Variants in PCDH7 observed in about 807,000 individuals in gnomAD.
PCDH7 encodes protocadherin 7.
In PCDH7, 17 loss-of-function variants were observed where a neutral mutation model predicts 58.9. The observed-to-expected ratio is 0.29, with a 90% CI of 0.20 to 0.43. PCDH7 has a LOEUF of 0.43. PCDH7 is among the 20% of genes least tolerant of loss of function. PCDH7 has a pLI of 1.00. For missense variants in PCDH7, 1,274 were observed against 1,441.0 expected (o/e 0.88, Z 1.88); for synonymous variants, 664 against 616.4 (o/e 1.08, Z -1.14).
chr4:30,974,024 T>G lies in PCDH7; in HGVS notation c.*7+23809T>G, dbSNP rs1373638352. Among the ~76,000 whole-genome samples the G allele has an allele frequency of 9.9e-5, 15 of 152,120 alleles. No homozygotes were observed. The East Asian group carries it at 2.7e-3, about 27-fold the overall frequency. On this transcript the variant is annotated intron_variant, in intron 3 of 3. Coordinates refer to the PCDH7 transcript ENST00000509759. ...AGTGTAAATTCATGACAGATACCCTTGTCTTCTAGCTCAAATCTTCTCTAG... is the reference window on the plus strand; with the variant it reads ...AGTGTAAATTCATGACAGATACCCTGGTCTTCTAGCTCAAATCTTCTCTAG...
At chr4:30,824,099 C>CTTTCTTTCTTTCTTTT (rs1728745500) in intron 1 of PCDH7, among the ~76,000 whole-genome samples, 1 of 111,308 alleles carries the variant, frequency 9.0e-6, no homozygotes, top group African/African-American at 3.4e-5. Context: ...TTCTTTCTTT[C>CTTTCTTTCTTTCTTTT]TTTCTTTCTT....
chr4:30,762,029 C>G (rs529203331), intron 1 of PCDH7, among the ~76,000 whole-genome samples: 2 of 152,216 alleles, frequency 1.3e-5, no homozygotes, highest in Admixed American at 1.3e-4. Flanking sequence ...AAGTCTTATA[C>G]ATGATCAAGG....
At chr4:30,896,891 T>TTTTTTTTTC in intron 1 of PCDH7, among the ~76,000 whole-genome samples, 1 of 70,812 alleles carries the variant, frequency 1.4e-5, no homozygotes, top group African/African-American at 5.8e-5. Context: ...GTTCTTTGCT[T>TTTTTTTTTC]TTTTTTTTTT....
intron 1 of PCDH7, among the ~76,000 whole-genome samples, chr4:30,899,549 T>C (rs1358619534): frequency 1.3e-5 from 2 of 152,188 alleles, no homozygotes; most frequent in Non-Finnish European, 2.9e-5. Flanking sequence ...TTTAAGCCTG[T>C]CAGCCAATAG....
At chr4:30,989,397 T>C (rs1751267351) in intron 3 of PCDH7, among the ~76,000 whole-genome samples, 2 of 152,184 alleles carry the variant, frequency 1.3e-5, no homozygotes, top group African/African-American at 4.8e-5. Flanking sequence ...GATATCCCAG[T>C]GATGGAGCTG....
chr4:30,986,182 T>C (rs886162990), intron 3 of PCDH7, among the ~76,000 whole-genome samples: 4 of 152,186 alleles, frequency 2.6e-5, no homozygotes, highest in Non-Finnish European at 5.9e-5. Context: ...ATTTTCCTTC[T>C]AGTATGGAGT....
At chr4:31,029,838 T>C (rs1037895803) in intron 3 of PCDH7, among the ~76,000 whole-genome samples, 12 of 152,148 alleles carry the variant, frequency 7.9e-5, no homozygotes, top group African/African-American at 2.9e-4. Context: ...CTAAGGATCA[T>C]ACACTAGTCT....
At chr4:31,019,946 A>G (rs1046642861) in intron 3 of PCDH7, among the ~76,000 whole-genome samples, 1 of 152,010 alleles carries the variant, frequency 6.6e-6, no homozygotes, top group Non-Finnish European at 1.5e-5. Flanking sequence ...TACAAGCAGA[A>G]GTAAAATGTT....
chr4:31,089,040 C>A (rs978309337), intron 3 of PCDH7, among the ~76,000 whole-genome samples: 12 of 151,894 alleles, frequency 7.9e-5, no homozygotes, highest in African/African-American at 2.7e-4. Flanking sequence ...TTCAGGCATG[C>A]TATCTTCTAA....
intron 1 of PCDH7, among the ~76,000 whole-genome samples, chr4:30,909,372 A>T (rs939014831): frequency 6.6e-5 from 10 of 152,114 alleles, no homozygotes; most frequent in African/African-American, 2.4e-4. Context: ...ATTCAAATAG[A>T]AAGAGAGGAA....
chr4:30,868,638 G>C (rs1336491100), intron 1 of PCDH7, among the ~76,000 whole-genome samples: 1 of 151,916 alleles, frequency 6.6e-6, no homozygotes, highest in Non-Finnish European at 1.5e-5. Flanking sequence ...AAAAATCTAT[G>C]TTTATGTAAG....
chr4:30,851,893 A>C (rs1317967498), intron 1 of PCDH7, among the ~76,000 whole-genome samples: 2 of 152,096 alleles, frequency 1.3e-5, no homozygotes, highest in African/African-American at 4.8e-5. Flanking sequence ...CTAAAACCTA[A>C]TGCACATATA....
chr4:31,142,832 A>G (rs1220205296), exon 4 of PCDH7: 1 of 1,364,930 alleles, frequency 7.3e-7, no homozygotes, highest in South Asian at 1.1e-5. Context: ...TCTCACTAGA[A>G]GAGAAGTTTA....
intron 2 of PCDH7, among the ~76,000 whole-genome samples, chr4:30,929,166 A>G (rs751159675): frequency 2.0e-5 from 3 of 152,186 alleles, no homozygotes; most frequent in Non-Finnish European, 4.4e-5. Flanking sequence ...GTATTACTCA[A>G]ATTAAATAGA....
Position 30,900,950 on chromosome 4 carries a change from G to A in PCDH7, c.71-19203G>A, listed in dbSNP as rs373649818. On this transcript the variant is annotated intron_variant, in intron 1 of 3. Transcript: ENST00000509759. ...CTTTCATGTCTTATGACAAGTGTTA[G>A]ATAACTCTATGAAGATGAATTTTCT... 2.1e-4 allele frequency among the ~76,000 whole-genome samples: 32 copies of A among 152,278 alleles called. No individual in the cohort carries two copies. The South Asian group carries it at 4.1e-3, about 20-fold the overall frequency.
chr4:30,937,193 C>A (rs1745462945), intron 2 of PCDH7, among the ~76,000 whole-genome samples: 1 of 151,952 alleles, frequency 6.6e-6, no homozygotes, highest in African/African-American at 2.4e-5. Flanking sequence ...TTTAATACTT[C>A]TAATATTCTC....
rs1179796884 is a variant in PCDH7 at position 30,854,478 on chromosome 4, T to C, written c.71-65675T>C. Among the ~76,000 whole-genome samples the C allele has an allele frequency of 2.6e-5, 4 of 151,684 alleles. No individual in the cohort carries two copies. In the East Asian group the frequency reaches 7.7e-4, roughly 29 times the overall value. On this transcript the variant is annotated intron_variant, in intron 1 of 3. Coordinates refer to the PCDH7 transcript ENST00000509759. ...TGGGTTTTTTGTGGTTTCTTATTCC[T>C]CCCGTATCATATTTCAACTTAAATA... is the stretch of plus-strand genomic sequence containing the variant.
At chr4:31,041,729 G>A (rs984214704) in intron 3 of PCDH7, among the ~76,000 whole-genome samples, 1 of 152,052 alleles carries the variant, frequency 6.6e-6, no homozygotes, top group African/African-American at 2.4e-5. Context: ...TGTTTATGTA[G>A]CGTTTTCATC....
At chr4:31,113,489 C>T (rs1224970432) in intron 3 of PCDH7, among the ~76,000 whole-genome samples, 1 of 152,066 alleles carries the variant, frequency 6.6e-6, no homozygotes, top group Non-Finnish European at 1.5e-5. Flanking sequence ...CCTCCTTTTC[C>T]ATATAAATAT....
Sources: allele counts gnomAD v4.1 joint callset (sites outside exome capture counted in the v4.1 genomes callset), GRCh38; gene constraint gnomAD v4.1.1; transcripts MANE v1.5; gene names NCBI Gene and HGNC (gene_info 2026-07-23, HGNC 2026-07-21).